The following WAC variants were observed in gnomAD, a reference collection of about 807,000 sequenced individuals.
The protein encoded by WAC is WW domain-containing adapter protein with coiled-coil.
WAC carries 11 observed loss-of-function variants against 79.6 expected under a neutral mutation model. That is an observed-to-expected ratio of 0.14 (90% confidence interval 0.09 to 0.23). The LOEUF (loss-of-function observed/expected upper bound fraction) is 0.23. Ranked by LOEUF, WAC falls within the 10% of genes least tolerant of loss-of-function variation. The probability of loss-of-function intolerance (pLI) is 1.00; values close to 1 mark genes in which losing one functional copy is unlikely to be tolerated. For synonymous variants in WAC, 304 were observed against 276.9 expected, an observed-to-expected ratio of 1.10 and a Z score of -0.97; for missense variants, 728 against 773.5, an observed-to-expected ratio of 0.94 and a Z score of 0.70.
chr10:28,542,745 T>A (rs1293578739), intron 3 of WAC, among the ~76,000 whole-genome samples: 1 of 152,260 alleles, frequency 6.6e-6, no homozygotes, highest in African/African-American at 2.4e-5. Context: ...TGTAAATTCC[T>A]GTGCAGCTTG....
intron 3 of WAC, among the ~76,000 whole-genome samples, chr10:28,539,780 A>G (rs1589123243): frequency 6.6e-6 from 1 of 152,102 alleles, no homozygotes; most frequent in East Asian, 1.9e-4. Flanking sequence ...GCTGGTCTCA[A>G]TCTCCTGCTC....
intron 3 of WAC, among the ~76,000 whole-genome samples, chr10:28,544,333 A>G (rs1410573748): frequency 6.6e-6 from 1 of 152,192 alleles, no homozygotes; most frequent in Non-Finnish European, 1.5e-5. Context: ...CTCAGGAAAT[A>G]CCTACTTTAT....
At chr10:28,618,575 A>C (rs1841574281) in intron 13 of WAC, among the ~76,000 whole-genome samples, 1 of 152,238 alleles carries the variant, frequency 6.6e-6, no homozygotes, top group Non-Finnish European at 1.5e-5. Context: ...GACTTTTGGG[A>C]AATTATTCAT....
At chr10:28,609,400 A>G (rs1841116922) in intron 8 of WAC, among the ~76,000 whole-genome samples, 1 of 152,128 alleles carries the variant, frequency 6.6e-6, no homozygotes, top group South Asian at 2.1e-4. Context: ...TTTTATGTAC[A>G]TTTTCACATA....
chr10:28,586,728 A>G (rs956806038), intron 4 of WAC, among the ~76,000 whole-genome samples: 2 of 152,072 alleles, frequency 1.3e-5, no homozygotes, highest in African/African-American at 4.8e-5. Flanking sequence ...AAATCATGGT[A>G]TGACTTGTAG....
chr10:28,548,768 A>C (rs1327942120), intron 3 of WAC, among the ~76,000 whole-genome samples: 2 of 152,138 alleles, frequency 1.3e-5, no homozygotes, highest in Non-Finnish European at 2.9e-5. Context: ...TATCAAATAG[A>C]ATATATGGTT....
intron 4 of WAC, among the ~76,000 whole-genome samples, chr10:28,587,451 G>T (rs1839878398): frequency 6.6e-6 from 1 of 152,186 alleles, no homozygotes. Flanking sequence ...TATGAAAATA[G>T]TTCTGGTCTT....
In WAC at chr10:28,622,284, TTAAAA is replaced by T. The variant is rs1841720742; in HGVS notation, c.*2682_*2686del. ...CCTAACCTTAACTAGGGAATATCTATTAAAATAAGCATAATGTTCTGGACTAGAGT... is the reference window on the plus strand; with the variant it reads ...CCTAACCTTAACTAGGGAATATCTATTAAGCATAATGTTCTGGACTAGAGT... On this transcript the variant is annotated 3_prime_UTR_variant, in exon 14 of 14. Transcript: ENST00000354911. 1 of 152,110 alleles carries T rather than the reference TTAAAA, an allele frequency of 6.6e-6. No individual in the cohort carries two copies. Among genetic ancestry groups the T allele is most frequent in the South Asian group, 2.1e-4 (1 of 4,830 alleles). 9.4% of individuals were successfully genotyped at this position (152,110 alleles called of 1,614,324 possible).
chr10:28,597,478 T>A (rs575693311), intron 7 of WAC, among the ~76,000 whole-genome samples: 2 of 152,298 alleles, frequency 1.3e-5, no homozygotes, highest in South Asian at 4.1e-4. Flanking sequence ...TTTGAAATTC[T>A]TTCTCTGGCT....
At chr10:28,558,801 G>A (rs995239209) in intron 3 of WAC, among the ~76,000 whole-genome samples, 2 of 152,200 alleles carry the variant, frequency 1.3e-5, no homozygotes, top group African/African-American at 4.8e-5. Context: ...AAGTTGCAAA[G>A]AGTAGAATAT....
At chr10:28,573,404 T>C (rs957272219) in intron 3 of WAC, among the ~76,000 whole-genome samples, 3 of 152,228 alleles carry the variant, frequency 2.0e-5, no homozygotes, top group Admixed American at 2.0e-4. Context: ...TGTGGTCTTT[T>C]GTGACTGGCT....
intron 3 of WAC, among the ~76,000 whole-genome samples, chr10:28,560,461 G>C (rs1838238912): frequency 2.0e-5 from 3 of 152,168 alleles, no homozygotes; most frequent in Admixed American, 2.0e-4. Context: ...AATGTTTGTG[G>C]TGTGAAGAGA....
intron 3 of WAC, among the ~76,000 whole-genome samples, chr10:28,552,639 C>A (rs1026641249): frequency 6.6e-6 from 1 of 152,006 alleles, no homozygotes; most frequent in Middle Eastern, 3.2e-3. Flanking sequence ...TGAATATTGA[C>A]TGGATTCTAA....
At chr10:28,588,400 CTG>C (rs917589646) in intron 4 of WAC, among the ~76,000 whole-genome samples, 10 of 152,166 alleles carry the variant, frequency 6.6e-5, no homozygotes, top group African/African-American at 2.4e-4. Context: ...ATGGCAGAGT[CTG>C]TGATCTTTTT....
intron 3 of WAC, 154 bp downstream of exon 3, chr10:28,535,911 T>C: frequency 1.5e-6 from 1 of 687,888 alleles, no homozygotes. Flanking sequence ...CTGAACAAGT[T>C]ACTGTAGAAA....
Position 28,535,556 on chromosome 10 carries a change from T to C in WAC, c.79-6T>C, listed in dbSNP as rs201183825. ...TCTCTTTTTTTGGGGGGGTGATGTT[T>C]TACAGGCACTTAAGTATTCATCGAA... is the stretch of plus-strand genomic sequence containing the variant. On this transcript the variant is annotated splice_polypyrimidine_tract_variant and splice_region_variant and intron_variant, in intron 2 of 13. Transcript: ENST00000354911. The C allele has an allele frequency of 1.1e-4, 175 of 1,571,364 alleles. No individual in the cohort carries two copies. In the African/African-American group the frequency reaches 2.2e-3, roughly 19 times the overall value.
At chr10:28,556,021 T>C (rs1837960534) in intron 3 of WAC, among the ~76,000 whole-genome samples, 1 of 152,226 alleles carries the variant, frequency 6.6e-6, no homozygotes, top group Non-Finnish European at 1.5e-5. Flanking sequence ...TGGGAGATAG[T>C]GGAGGATGAG....
chr10:28,595,612 G>T, intron 6 of WAC, 121 bp from the exon 7 acceptor site: 4 of 982,448 alleles, frequency 4.1e-6, no homozygotes, highest in South Asian at 1.7e-5. Context: ...TTTTATAAAA[G>T]AATATGTAAG....
intron 7 of WAC, among the ~76,000 whole-genome samples, chr10:28,603,515 T>C (rs1471950030): frequency 3.3e-5 from 5 of 152,226 alleles, no homozygotes; most frequent in Non-Finnish European, 5.9e-5. Flanking sequence ...TTTTCAAAGA[T>C]GTGGATTTTC....
Sources: allele counts gnomAD v4.1 joint callset (sites outside exome capture counted in the v4.1 genomes callset), GRCh38; gene constraint gnomAD v4.1.1; transcripts MANE v1.5; gene names NCBI Gene and HGNC (gene_info 2026-07-23, HGNC 2026-07-21).